MAGI3: variants seen among roughly 807,000 people sequenced by gnomAD.
MAGI3 encodes the protein membrane associated guanylate kinase, WW and PDZ domain containing 3, also known as membrane-associated guanylate kinase, WW and PDZ domain-containing protein 3.
In MAGI3, 43 loss-of-function variants were observed where a neutral mutation model predicts 121.8. That is an observed-to-expected ratio of 0.35 (90% CI 0.28 to 0.46). The LOEUF is 0.46. Among genes scored for constraint, MAGI3 ranks in the 20% least tolerant of loss-of-function variants. The probability of loss-of-function intolerance (pLI) is 1.00; values close to 1 mark genes in which losing one functional copy is unlikely to be tolerated. For missense variants in MAGI3, 1,547 were observed against 1,797.3 expected, an observed-to-expected ratio of 0.86 and a Z score of 2.52; for synonymous variants, 553 against 639.3, an observed-to-expected ratio of 0.86 and a Z score of 2.04.
chr1:113,531,045 G>C lies in MAGI3; in HGVS notation c.317-18470G>C, dbSNP rs184621993. 2.0e-5 allele frequency among the ~76,000 whole-genome samples: 3 copies of C among 152,264 alleles called. No individual in the cohort carries two copies. The South Asian group carries it at 6.2e-4, about 32-fold the overall frequency. On this transcript the variant is annotated intron_variant, in intron 1 of 20. Transcript: ENST00000307546. The stretch of plus-strand genomic sequence containing the variant: ...GCTAGAGACATAAACTGTACTCAAA[G>C]GAAACTTGAATAATTTTGAAACATT...
chr1:113,555,743 A>C (rs1659962188), intron 2 of MAGI3, among the ~76,000 whole-genome samples: 1 of 152,094 alleles, frequency 6.6e-6, no homozygotes. Context: ...TACAAAAAAA[A>C]ATTTTTTTAA....
intron 1 of MAGI3, among the ~76,000 whole-genome samples, chr1:113,393,600 G>T (rs949545476): frequency 6.6e-6 from 1 of 152,116 alleles, no homozygotes; most frequent in South Asian, 2.1e-4. Flanking sequence ...AAAATAGCAA[G>T]ATTTTTGCAG....
chr1:113,443,113 T>A (rs1222887338), intron 1 of MAGI3, among the ~76,000 whole-genome samples: 1 of 152,196 alleles, frequency 6.6e-6, no homozygotes, highest in East Asian at 1.9e-4. Flanking sequence ...CTTGCTCAAA[T>A]TAAAACGAAT....
At chr1:113,592,681 A>T (rs938958943) in intron 5 of MAGI3, among the ~76,000 whole-genome samples, 11 of 152,108 alleles carry the variant, frequency 7.2e-5, no homozygotes, top group African/African-American at 2.7e-4. Context: ...AGATAATCTC[A>T]CTTTTTTCTA....
chr1:113,486,683 GC>G (rs1656397971), intron 1 of MAGI3, among the ~76,000 whole-genome samples: 1 of 129,096 alleles, frequency 7.7e-6, no homozygotes, highest in South Asian at 2.5e-4. Context: ...ACAGGGCCTT[GC>G]GATTTCACCC....
In MAGI3 at chr1:113,683,378, C is replaced by T; in HGVS notation, c.3810C>T (p.Thr1270=). The T allele has an allele frequency of 5.6e-6, 9 of 1,613,946 alleles. No individual in the cohort carries two copies. Among genetic ancestry groups the T allele is most frequent in the Non-Finnish European group, 7.6e-6 (9 of 1,179,898 alleles). Residue 1270 remains threonine (T), a synonymous_variant, in exon 21 of 21, where the codon ACC becomes ACT. Coordinates refer to ENST00000307546, the MANE Select transcript of MAGI3 (RefSeq NM_001142782.2). ...KGENKSCQVS[T]RAGSGQDQCR... ...AAAATAAAAGTTGTCAGGTCAGCAC[C>T]AGGGCAGGCTCTGGACAAGATCAGT...
At chr1:113,413,015 A>C (rs1234547588) in intron 1 of MAGI3, among the ~76,000 whole-genome samples, 7 of 152,136 alleles carry the variant, frequency 4.6e-5, no homozygotes, top group Non-Finnish European at 1.0e-4. Flanking sequence ...TTTTAGGCCT[A>C]ACATTTAAGT....
At chr1:113,530,681 G>T (rs1658670280) in intron 1 of MAGI3, among the ~76,000 whole-genome samples, 1 of 152,090 alleles carries the variant, frequency 6.6e-6, no homozygotes, top group African/African-American at 2.4e-5. Flanking sequence ...AGCACTTTCG[G>T]AGGCTGAGGC....
At chr1:113,410,574 G>T (rs1252073137) in intron 1 of MAGI3, among the ~76,000 whole-genome samples, 1 of 151,716 alleles carries the variant, frequency 6.6e-6, no homozygotes, top group Non-Finnish European at 1.5e-5. Flanking sequence ...ATACTAAATT[G>T]TCTCAGTCTT....
intron 9 of MAGI3, among the ~76,000 whole-genome samples, chr1:113,637,250 GTGTGAATT>G (rs1232681431): frequency 1.3e-5 from 2 of 152,178 alleles, no homozygotes; most frequent in Non-Finnish European, 2.9e-5. Context: ...ATATTATTAT[GTGTGAATT>G]TGATCCTGTC....
In MAGI3 at chr1:113,418,122, G is replaced by C. The variant is rs1393618950; in HGVS notation, c.316+26773G>C. ...TATACTACTGCTATTTCAGTTTTGTGTAAATTTTTCTCTTATTCAGAAAGC... is the reference window on the plus strand; with the variant it reads ...TATACTACTGCTATTTCAGTTTTGTCTAAATTTTTCTCTTATTCAGAAAGC... On this transcript the variant is annotated intron_variant, in intron 1 of 20. Coordinates refer to ENST00000307546, the MANE Select transcript of MAGI3 (RefSeq NM_001142782.2). 3.3e-5 allele frequency among the ~76,000 whole-genome samples: 5 copies of C among 151,952 alleles called. 1 individual carries two copies.
chr1:113,612,490 A>G (rs1650217351), intron 6 of MAGI3, among the ~76,000 whole-genome samples: 2 of 152,152 alleles, frequency 1.3e-5, no homozygotes, highest in Non-Finnish European at 2.9e-5. Flanking sequence ...AATAAAATGA[A>G]TAAATGAATT....
intron 1 of MAGI3, among the ~76,000 whole-genome samples, chr1:113,515,792 G>A (rs1225746444): frequency 1.3e-5 from 2 of 152,042 alleles, no homozygotes; most frequent in Admixed American, 1.3e-4. Context: ...TTACCTTTTA[G>A]TTTAAAAGAC....
At chr1:113,416,215 ATG>A (rs1238266871) in intron 1 of MAGI3, among the ~76,000 whole-genome samples, 1,736 of 43,490 alleles carry the variant, frequency 0.04, 276 homozygotes, top group African/African-American at 0.05. Context: ...ACATATTATT[ATG>A]TGTAATTAAT....
At chr1:113,406,582 TA>T (rs1651695362) in intron 1 of MAGI3, among the ~76,000 whole-genome samples, 2 of 151,968 alleles carry the variant, frequency 1.3e-5, no homozygotes, top group East Asian at 1.9e-4. Context: ...TATTAAAGTA[TA>T]AAAAATTATC....
At position 113,646,497 on chromosome 1, in the gene MAGI3, A is replaced by C; in HGVS notation, c.2010A>C (p.Lys670Asn). 1 of 1,594,120 alleles carries C rather than the reference A, an allele frequency of 6.3e-7. No individual in the cohort carries two copies. Among genetic ancestry groups the C allele is most frequent in the Non-Finnish European group, 8.5e-7 (1 of 1,173,756 alleles). ...PTKTAKMKTDKKENAGSLEAI... is the reference protein window; with the variant it reads ...PTKTAKMKTDNKENAGSLEAI... ...CTTTTCCATTTCAGAAAACAGATAA[A>C]AAGGAAAATGCAGGAAGTTTGGAGG... The change falls in exon 12 of 21, where the codon AAA (lysine) becomes AAC (asparagine). Residue 670 changes from lysine to asparagine, a missense_variant. Coordinates refer to ENST00000307546, the MANE Select transcript of MAGI3 (RefSeq NM_001142782.2).
chr1:113,446,769 T>A (rs1654197215), intron 1 of MAGI3, among the ~76,000 whole-genome samples: 1 of 152,146 alleles, frequency 6.6e-6, no homozygotes, highest in African/African-American at 2.4e-5. Flanking sequence ...ATCAAAATGT[T>A]GTAAGAGACA....
chr1:113,598,530 ATTG>A (rs1649164503), intron 6 of MAGI3, among the ~76,000 whole-genome samples: 1 of 152,152 alleles, frequency 6.6e-6, no homozygotes, highest in South Asian at 2.1e-4. Flanking sequence ...AGGAGTAGCT[ATTG>A]TTATGTCAGA....
At chr1:113,623,496 A>AC (rs1651000494) in intron 9 of MAGI3, among the ~76,000 whole-genome samples, 1 of 45,442 alleles carries the variant, frequency 2.2e-5, no homozygotes, top group East Asian at 5.1e-4. Flanking sequence ...ACATATATAT[A>AC]TTTTTTTTTG....
Sources: allele counts gnomAD v4.1 joint callset (sites outside exome capture counted in the v4.1 genomes callset), GRCh38; gene constraint gnomAD v4.1.1; transcripts MANE v1.5; gene names NCBI Gene and HGNC (gene_info 2026-07-23, HGNC 2026-07-21).